Variants in POLR1B observed in about 807,000 individuals in gnomAD.
POLR1B encodes the protein RNA polymerase I subunit B.
POLR1B carries 30 observed loss-of-function variants against 105.8 expected under a neutral mutation model. That is an observed-to-expected ratio of 0.28 (90% CI 0.21 to 0.38). POLR1B has a LOEUF of 0.38. POLR1B is among the 10% of genes least tolerant of loss of function. POLR1B has a pLI of 1.00. For synonymous variants in POLR1B, 485 were observed against 505.1 expected, an observed-to-expected ratio of 0.96 and a Z score of 0.53; for missense variants, 976 against 1,435.8, an observed-to-expected ratio of 0.68 and a Z score of 5.17.
chr2:112,554,948 A>AGGTG (rs1683574589), intron 7 of POLR1B, among the ~76,000 whole-genome samples: 1 of 152,066 alleles, frequency 6.6e-6, no homozygotes, highest in Admixed American at 6.5e-5. Flanking sequence ...TGAGATGCCA[A>AGGTG]GGTGGGTGGA....
intron 14 of POLR1B, 73 bp from the exon 15 acceptor site, chr2:112,574,774 A>G (rs1684783673): frequency 7.8e-7 from 1 of 1,279,524 alleles, no homozygotes; most frequent in Non-Finnish European, 1.1e-6. Context: ...ATGAAGCACT[A>G]ATTATATCAA....
chr2:112,564,549 C>T, intron 10 of POLR1B, 50 bp downstream of exon 10: 1 of 1,611,298 alleles, frequency 6.2e-7, no homozygotes, highest in Non-Finnish European at 8.5e-7. Flanking sequence ...TTAGGTTTTT[C>T]AGTTCCTTTC....
At chr2:112,571,202 T>C (rs571444917) in intron 12 of POLR1B, among the ~76,000 whole-genome samples, 19 of 152,222 alleles carry the variant, frequency 1.2e-4, no homozygotes, top group African/African-American at 4.3e-4. Context: ...AAAATCATTA[T>C]CTGCAGATTC....
At chr2:112,567,833 G>A (rs1334460536) in intron 10 of POLR1B, 134 bp from the exon 11 acceptor site, 4 of 673,314 alleles carry the variant, frequency 5.9e-6, no homozygotes, top group South Asian at 2.0e-5. Flanking sequence ...CTACTAGCTG[G>A]GGTGAGCACC....
In POLR1B at chr2:112,561,824, TTC is replaced by T. The variant is rs1401607273; in HGVS notation, c.1612+2252_1612+2253del. Reference sequence around the variant, plus strand: ...GCTGCACTCGGAGGCAATTTGTTTTTTCTGTTTGTTTGTTTGTTTGTTTGTTT... The same window carrying T: ...GCTGCACTCGGAGGCAATTTGTTTTTTGTTTGTTTGTTTGTTTGTTTGTTT... On this transcript the variant is annotated intron_variant, in intron 9 of 14. Transcript: ENST00000263331. 3.3e-5 allele frequency among the ~76,000 whole-genome samples: 5 copies of T among 151,106 alleles called. No individual in the cohort carries two copies. In the East Asian group the frequency reaches 9.6e-4, roughly 29 times the overall value.
intron 3 of POLR1B, chr2:112,548,203 C>G (rs896454651): frequency 6.6e-6 from 1 of 152,182 alleles, no homozygotes; most frequent in Non-Finnish European, 1.5e-5. Context: ...CAAACAGTGC[C>G]TACTAAATAG....
At chr2:112,549,766 G>A (rs1005433989) in intron 4 of POLR1B, among the ~76,000 whole-genome samples, 13 of 152,100 alleles carry the variant, frequency 8.5e-5, no homozygotes, top group Admixed American at 6.5e-5. Flanking sequence ...AATAAGTTCT[G>A]GGGATCTGAT....
intron 1 of POLR1B, among the ~76,000 whole-genome samples, chr2:112,543,030 C>T (rs1368152588): frequency 6.6e-6 from 1 of 152,136 alleles, no homozygotes; most frequent in Non-Finnish European, 1.5e-5. Context: ...CTCGAAAGAT[C>T]CCGAACGTAT....
Position 112,559,447 on chromosome 2 carries a change from C to A in POLR1B, c.1485C>A (p.Gly495=). 6.2e-7 allele frequency: 1 copy of A among 1,614,250 alleles called. No homozygotes were observed. Among genetic ancestry groups the A allele is most frequent in the Non-Finnish European group, 8.5e-7 (1 of 1,180,040 alleles). ...TVRRLLPESW[G]FLCPVHTPDG... ...GCAGGCTGCTGCCAGAGTCCTGGGG[C>A]TTCCTTTGTCCCGTGCATACCCCAG... The change falls in exon 9 of 15, where the codon GGC becomes GGA. Residue 495 remains glycine (G), a synonymous_variant. Transcript: ENST00000263331.
intron 4 of POLR1B, 127 bp from the exon 5 acceptor site, chr2:112,550,739 A>G (rs1683323246): frequency 1.1e-6 from 1 of 912,072 alleles, no homozygotes; most frequent in African/African-American, 1.7e-5. Flanking sequence ...TTTGATTGCC[A>G]GTCTTGGCTA....
At chr2:112,568,451 A>T (rs572945737) in intron 11 of POLR1B, among the ~76,000 whole-genome samples, 30 of 152,334 alleles carry the variant, frequency 2.0e-4, no homozygotes, top group African/African-American at 7.2e-4. Context: ...ATTCACACTC[A>T]GTCTTTGCCT....
At chr2:112,550,381 A>T (rs923213244) in intron 4 of POLR1B, among the ~76,000 whole-genome samples, 1 of 152,350 alleles carries the variant, frequency 6.6e-6, no homozygotes, top group East Asian at 1.9e-4. Flanking sequence ...TAAAAATCAG[A>T]CCTTAATTAT....
chr2:112,551,855 T>C lies in POLR1B; in HGVS notation c.843T>C (p.Ser281=). 6.2e-7 allele frequency: 1 copy of C among 1,614,166 alleles called. No individual in the cohort carries two copies. Among genetic ancestry groups the C allele is most frequent in the Non-Finnish European group, 8.5e-7 (1 of 1,179,972 alleles). Residue 281 remains serine, a synonymous_variant, in exon 6 of 15, where the codon TCT becomes TCC. Coordinates refer to ENST00000263331, the MANE Select transcript of POLR1B (RefSeq NM_019014.6). ...GKEDDSFLRN[S]VSQMLRIVME... ...AGGATGATTCTTTCCTTAGGAACTCTGTTTCTCAGATGTTAAGGATTGTAA... is the reference window on the plus strand; with the variant it reads ...AGGATGATTCTTTCCTTAGGAACTCCGTTTCTCAGATGTTAAGGATTGTAA...
intron 9 of POLR1B, 146 bp from the exon 10 acceptor site, chr2:112,564,220 A>T: frequency 1.1e-6 from 1 of 945,158 alleles, no homozygotes; most frequent in Non-Finnish European, 1.5e-6. Flanking sequence ...AAGTGCAGTT[A>T]AAAGAAATAA....
At chr2:112,562,543 C>T (rs1459037254) in intron 9 of POLR1B, among the ~76,000 whole-genome samples, 1 of 152,066 alleles carries the variant, frequency 6.6e-6, no homozygotes, top group Non-Finnish European at 1.5e-5. Context: ...GTTATGTTTA[C>T]ACTATGCTGT....
At chr2:112,550,809 G>A (rs1044499450) in intron 4 of POLR1B, 57 bp from the exon 5 acceptor site, 8 of 1,569,048 alleles carry the variant, frequency 5.1e-6, no homozygotes, top group Non-Finnish European at 7.0e-6. Flanking sequence ...AAAGAAAATG[G>A]TTGAAGCAAT....
Position 112,575,836 on chromosome 2 carries a change from T to A in POLR1B, c.*107T>A. 1 of 1,270,766 alleles carries A rather than the reference T, an allele frequency of 7.9e-7. No homozygotes were observed. Among genetic ancestry groups the A allele is most frequent in the Non-Finnish European group, 1.1e-6 (1 of 926,872 alleles). The allele number at this position is 1,270,766 out of a possible 1,614,324, so 78.7% of individuals were successfully genotyped here. The stretch of plus-strand genomic sequence containing the variant: ...GGTTACTCTTGAGATTTTTCAACGG[T>A]GTTAGAACTCTCAACCAAGACCTGA... On this transcript the variant is annotated 3_prime_UTR_variant, in exon 15 of 15. Coordinates refer to ENST00000263331, the MANE Select transcript of POLR1B (RefSeq NM_019014.6). The surrounding 1 kb of genome is among the most constrained non-coding windows in gnomAD (Gnocchi z 5.3).
At chr2:112,573,961 C>T (rs2104580417) in intron 14 of POLR1B, 146 bp downstream of exon 14, 1 of 985,984 alleles carries the variant, frequency 1.0e-6, no homozygotes, top group African/African-American at 1.6e-5. Context: ...ATCCTCTCGC[C>T]TCAGCCTTTG....
intron 5 of POLR1B, 95 bp downstream of exon 5, chr2:112,551,097 C>T (rs1683343132): frequency 1.6e-6 from 2 of 1,253,082 alleles, no homozygotes; most frequent in Non-Finnish European, 1.1e-6. Context: ...TAAAATAATA[C>T]TGTACTAGTT....
Sources: allele counts gnomAD v4.1 joint callset (sites outside exome capture counted in the v4.1 genomes callset), GRCh38; gene constraint gnomAD v4.1.1; non-coding constraint Gnocchi (gnomAD v3.1); transcripts MANE v1.5; gene names NCBI Gene and HGNC (gene_info 2026-07-23, HGNC 2026-07-21).